FMN1: variants seen among roughly 807,000 people sequenced by gnomAD.
FMN1 encodes formin-1.
A neutral mutation model predicts 132.4 loss-of-function variants in FMN1; 110 were observed. That is an observed-to-expected ratio of 0.83 (90% CI 0.71 to 0.97). The LOEUF is 0.97. Ranked by LOEUF, FMN1 falls within the 50% of genes least tolerant of loss-of-function variation. The probability of loss-of-function intolerance (pLI) is 0.00; values close to 1 mark genes in which losing one functional copy is unlikely to be tolerated. For missense variants in FMN1, 1,792 were observed against 1,705.3 expected (o/e 1.05, Z -0.90); for synonymous variants, 722 against 651.7 (o/e 1.11, Z -1.64).
chr15:32,889,727 G>A (rs1472242173), intron 15 of FMN1, among the ~76,000 whole-genome samples: 1 of 86,378 alleles, frequency 1.2e-5, no homozygotes, highest in Non-Finnish European at 2.6e-5. Flanking sequence ...TTTCTCCCCT[G>A]TTCTCCAAAG....
chr15:32,796,170 A>G (rs2057284748), intron 19 of FMN1, among the ~76,000 whole-genome samples: 1 of 152,242 alleles, frequency 6.6e-6, no homozygotes. Context: ...CCTAAGCAGG[A>G]AAAGTAAATA....
At chr15:33,186,890 C>T (rs1269940600) in intron 2 of FMN1, among the ~76,000 whole-genome samples, 1 of 152,158 alleles carries the variant, frequency 6.6e-6, no homozygotes, top group East Asian at 1.9e-4. Context: ...TCTCTTACTG[C>T]GACTTAACTC....
intron 4 of FMN1, among the ~76,000 whole-genome samples, chr15:33,099,126 C>T (rs1446903010): frequency 1.3e-5 from 2 of 151,944 alleles, no homozygotes; most frequent in African/African-American, 4.8e-5. Flanking sequence ...AAAAAAAAGA[C>T]CCAATCTACA....
intron 17 of FMN1, among the ~76,000 whole-genome samples, chr15:32,811,591 C>T (rs2057879693): frequency 6.6e-6 from 1 of 151,626 alleles, no homozygotes; most frequent in Admixed American, 6.6e-5. Flanking sequence ...AGTCTACCTC[C>T]CAGGCTGATG....
At chr15:32,992,889 T>C (rs1274891666) in intron 7 of FMN1, among the ~76,000 whole-genome samples, 1 of 152,200 alleles carries the variant, frequency 6.6e-6, no homozygotes. Flanking sequence ...ATTTAGCCTA[T>C]TCACTAGACC....
At chr15:33,111,284 C>A (rs2039693227) in intron 4 of FMN1, among the ~76,000 whole-genome samples, 2 of 152,108 alleles carry the variant, frequency 1.3e-5, no homozygotes, top group Non-Finnish European at 2.9e-5. Context: ...CAGTAGGATA[C>A]CACTTCACTG....
At chr15:33,126,249 A>G (rs886469089) in intron 4 of FMN1, among the ~76,000 whole-genome samples, 1 of 152,198 alleles carries the variant, frequency 6.6e-6, no homozygotes, top group Non-Finnish European at 1.5e-5. Flanking sequence ...GAGAAGGAAG[A>G]TGGGTGGAAA....
At chr15:33,087,918 G>A (rs904854906) in intron 5 of FMN1, among the ~76,000 whole-genome samples, 9 of 152,126 alleles carry the variant, frequency 5.9e-5, no homozygotes, top group African/African-American at 2.2e-4. Flanking sequence ...AGCAAACTGG[G>A]TAAAATCGGA....
chr15:33,121,937 C>T (rs1962598635), intron 4 of FMN1, among the ~76,000 whole-genome samples: 3 of 152,228 alleles, frequency 2.0e-5, no homozygotes. Context: ...TTAGGTCTCT[C>T]TCATTGTGTT....
chr15:32,951,424 G>GACACACACACAC (rs3081377), intron 9 of FMN1, among the ~76,000 whole-genome samples: 10 of 148,966 alleles, frequency 6.7e-5, no homozygotes, highest in African/African-American at 2.2e-4. Flanking sequence ...GCCCCAGTGG[G>GACACACACACAC]ACACACACAC....
At chr15:33,056,229 T>G (rs2037210235) in intron 6 of FMN1, among the ~76,000 whole-genome samples, 1 of 152,228 alleles carries the variant, frequency 6.6e-6, no homozygotes, top group Non-Finnish European at 1.5e-5. Flanking sequence ...TCCCTGTATT[T>G]ACCAAAAGGC....
intron 17 of FMN1, among the ~76,000 whole-genome samples, chr15:32,814,355 T>C (rs2057985742): frequency 6.6e-6 from 1 of 152,232 alleles, no homozygotes; most frequent in Non-Finnish European, 1.5e-5. Flanking sequence ...AATTAAAAAA[T>C]AATTATACAT....
intron 15 of FMN1, among the ~76,000 whole-genome samples, chr15:32,895,301 A>G (rs2060126865): frequency 1.3e-5 from 2 of 151,930 alleles, no homozygotes; most frequent in East Asian, 1.9e-4. Flanking sequence ...CCTGTCTGAC[A>G]TGAAGAAAAA....
intron 7 of FMN1, among the ~76,000 whole-genome samples, chr15:32,999,964 A>C (rs763987498): frequency 6.6e-6 from 1 of 152,216 alleles, no homozygotes; most frequent in Non-Finnish European, 1.5e-5. Flanking sequence ...GGTATCCTAC[A>C]GAGTTTCACT....
At chr15:33,109,494 G>C (rs1027997134) in intron 4 of FMN1, among the ~76,000 whole-genome samples, 4 of 152,052 alleles carry the variant, frequency 2.6e-5, no homozygotes, top group African/African-American at 9.7e-5. Flanking sequence ...TAACACCATG[G>C]AATACTACAC....
intron 4 of FMN1, among the ~76,000 whole-genome samples, chr15:33,121,103 T>A (rs144035066): frequency 1.8e-4 from 26 of 147,258 alleles, no homozygotes; most frequent in African/African-American, 5.6e-4. Context: ...CTAGATGATG[T>A]TGTAACAAGA....
chr15:33,060,290 T>A (rs1225207485), intron 6 of FMN1, among the ~76,000 whole-genome samples: 1 of 152,228 alleles, frequency 6.6e-6, no homozygotes, highest in East Asian at 1.9e-4. Context: ...TAGCTATGAA[T>A]GCAGAAATTA....
chr15:32,888,048 G>T, intron 16 of FMN1, 124 bp downstream of exon 16: 1 of 712,614 alleles, frequency 1.4e-6, no homozygotes, highest in South Asian at 2.9e-5. Context: ...CCTGAAAGCT[G>T]TAGTGTACCA....
In FMN1 at chr15:32,842,252, G is replaced by A. The variant is rs141707028; in HGVS notation, c.3928+14763C>T. ...ACCACCATGCTATGAGAAAGCGCAAGCCATGTGGAGTGACTGCACGGGCTC... is the reference window on the plus strand; with the variant it reads ...ACCACCATGCTATGAGAAAGCGCAAACCATGTGGAGTGACTGCACGGGCTC... On this transcript the variant is annotated intron_variant, in intron 17 of 20. Coordinates refer to ENST00000616417, the MANE Select transcript of FMN1 (RefSeq NM_001277313.2). Among the ~76,000 whole-genome samples, 22 of 152,330 alleles carry A rather than the reference G, an allele frequency of 1.4e-4. No homozygotes were observed. The East Asian group carries it at 3.9e-3, about 27-fold the overall frequency.
Sources: gnomAD v4.1 joint callset for allele counts (sites outside exome capture counted in the v4.1 genomes callset) on GRCh38, gnomAD v4.1.1 for gene constraint, MANE v1.5 for transcripts, NCBI Gene and HGNC (gene_info 2026-07-23, HGNC 2026-07-21) for gene names.